The following SLC35F1 variants were observed in gnomAD, a reference collection of about 807,000 sequenced individuals.
The protein encoded by SLC35F1 is chromosome 6 open reading frame 169.
SLC35F1 carries 14 observed loss-of-function variants against 48.7 expected under a neutral mutation model. The observed-to-expected ratio is 0.29, with a 90% CI of 0.19 to 0.45. SLC35F1 has a LOEUF of 0.45. Among genes scored for constraint, SLC35F1 ranks in the 20% least tolerant of loss-of-function variants. The pLI, the probability that SLC35F1 is intolerant of heterozygous loss-of-function variation, is 1.00. For synonymous variants in SLC35F1, 190 were observed against 202.2 expected, an observed-to-expected ratio of 0.94 and a Z score of 0.51; for missense variants, 404 against 500.0, an observed-to-expected ratio of 0.81 and a Z score of 1.83.
intron 4 of SLC35F1, among the ~76,000 whole-genome samples, chr6:118,270,917 A>C (rs1230793649): frequency 6.6e-6 from 1 of 152,232 alleles, no homozygotes; most frequent in African/African-American, 2.4e-5. Context: ...TAATCAAAAT[A>C]GCTCCTTGTT....
At chr6:118,034,247 A>C (rs1293370073) in intron 1 of SLC35F1, among the ~76,000 whole-genome samples, 1 of 152,120 alleles carries the variant, frequency 6.6e-6, no homozygotes, top group Non-Finnish European at 1.5e-5. Context: ...GCATACAAAA[A>C]TATGTTCAGG....
chr6:118,141,210 G>GT (rs541477574), intron 1 of SLC35F1, among the ~76,000 whole-genome samples: 1 of 152,014 alleles, frequency 6.6e-6, no homozygotes, highest in Admixed American at 6.6e-5. Context: ...CCATTTTTCT[G>GT]TTTTTTATAC....
At chr6:118,115,037 C>G (rs17822466) in intron 1 of SLC35F1, among the ~76,000 whole-genome samples, 49,837 of 152,014 alleles carry the variant, frequency 0.33, 9,244 homozygotes, top group Non-Finnish European at 0.43. Context: ...TAGCCTTGAC[C>G]TTAAGTGTCA....
At chr6:118,207,466 A>G (rs1774950853) in intron 2 of SLC35F1, among the ~76,000 whole-genome samples, 1 of 152,222 alleles carries the variant, frequency 6.6e-6, no homozygotes, top group African/African-American at 2.4e-5. Context: ...GTTATGATGC[A>G]CAAACAACAA....
intron 7 of SLC35F1, among the ~76,000 whole-genome samples, chr6:118,312,754 T>C (rs950663664): frequency 3.3e-5 from 5 of 152,218 alleles, no homozygotes; most frequent in Non-Finnish European, 4.4e-5. Context: ...TTCCTATTAT[T>C]GAACTACAGT....
At chr6:118,219,591 A>G (rs979055174) in intron 2 of SLC35F1, among the ~76,000 whole-genome samples, 1 of 152,186 alleles carries the variant, frequency 6.6e-6, no homozygotes, top group African/African-American at 2.4e-5. Flanking sequence ...CCATTGTGGA[A>G]GACAGTGTGG....
At chr6:118,187,340 G>T (rs1048196135) in intron 2 of SLC35F1, among the ~76,000 whole-genome samples, 11 of 152,094 alleles carry the variant, frequency 7.2e-5, no homozygotes, top group Admixed American at 5.2e-4. Flanking sequence ...TCCAGTTAAT[G>T]CCAAGCCCCC....
At chr6:118,138,710 CTT>C (rs11334484) in intron 1 of SLC35F1, among the ~76,000 whole-genome samples, 3 of 151,244 alleles carry the variant, frequency 2.0e-5, no homozygotes, top group Admixed American at 6.6e-5. Flanking sequence ...ATTTTATTTG[CTT>C]TTTTTTTTAA....
At chr6:118,134,890 C>G (rs887883868) in intron 1 of SLC35F1, among the ~76,000 whole-genome samples, 1 of 152,204 alleles carries the variant, frequency 6.6e-6, no homozygotes, top group African/African-American at 2.4e-5. Flanking sequence ...TTCTACTCCC[C>G]CTCCTAAGTT....
At chr6:118,210,268 T>C (rs1774985466) in intron 2 of SLC35F1, among the ~76,000 whole-genome samples, 1 of 152,196 alleles carries the variant, frequency 6.6e-6, no homozygotes, top group Non-Finnish European at 1.5e-5. Context: ...CAATTAAGAA[T>C]TGTCCACCTG....
intron 6 of SLC35F1, among the ~76,000 whole-genome samples, chr6:118,278,599 G>A (rs546056810): frequency 3.3e-5 from 5 of 152,164 alleles, no homozygotes; most frequent in Non-Finnish European, 7.3e-5. Flanking sequence ...GACCAGCCTT[G>A]TGTCTCAGAG....
intron 3 of SLC35F1, among the ~76,000 whole-genome samples, chr6:118,258,931 C>A (rs1369691133): frequency 1.3e-5 from 2 of 151,798 alleles, no homozygotes; most frequent in East Asian, 3.9e-4. Flanking sequence ...TAAAAGAACA[C>A]ATAGATGACT....
intron 1 of SLC35F1, among the ~76,000 whole-genome samples, chr6:117,908,864 G>T (rs982000871): frequency 3.3e-5 from 5 of 152,138 alleles, no homozygotes; most frequent in African/African-American, 1.2e-4. Flanking sequence ...TGTTCCAGTC[G>T]CTCTGTTCAT....
rs540104902 is a variant in SLC35F1 at position 118,261,395 on chromosome 6, A to C, written c.478-5600A>C. On this transcript the variant is annotated intron_variant, in intron 3 of 7. Transcript: ENST00000360388. ...CTTCTTGGATTTGGGCTGGCTCAAA[A>C]TTATTCAGAACAACACTATATACAA... Among the ~76,000 whole-genome samples the C allele has an allele frequency of 3.9e-5, 6 of 152,332 alleles. No individual in the cohort carries two copies. The East Asian group carries it at 1.2e-3, about 29-fold the overall frequency.
intron 2 of SLC35F1, among the ~76,000 whole-genome samples, chr6:118,225,306 G>A (rs565385466): frequency 5.1e-4 from 78 of 152,184 alleles, no homozygotes; most frequent in Middle Eastern, 3.4e-3. Flanking sequence ...TAGATGAATG[G>A]AATAGAATAA....
intron 1 of SLC35F1, among the ~76,000 whole-genome samples, chr6:117,917,877 C>T (rs1261455248): frequency 7.2e-6 from 1 of 139,006 alleles, no homozygotes; most frequent in Admixed American, 7.2e-5. Context: ...GGCACACTAA[C>T]CCTCAAACAC....
intron 2 of SLC35F1, among the ~76,000 whole-genome samples, chr6:118,231,773 T>C (rs985177707): frequency 3.3e-5 from 5 of 152,232 alleles, no homozygotes; most frequent in Admixed American, 3.3e-4. Flanking sequence ...GCCCATTTTT[T>C]CAGTGCTATG....
chr6:118,272,737 G>GTGTGTGTATATATATATATATATATATA (rs201515909), intron 4 of SLC35F1, among the ~76,000 whole-genome samples: 4 of 120,250 alleles, frequency 3.3e-5, no homozygotes, highest in African/African-American at 1.3e-4. Context: ...ATATGTGTGT[G>GTGTGTGTATATATATATATATATATATA]TATATATATA....
At chr6:118,111,660 G>C (rs994756761) in intron 1 of SLC35F1, among the ~76,000 whole-genome samples, 2 of 152,106 alleles carry the variant, frequency 1.3e-5, no homozygotes, top group African/African-American at 4.8e-5. Flanking sequence ...AAGAGAAATA[G>C]AGACAAAATC....
Sources: allele counts gnomAD v4.1 joint callset (sites outside exome capture counted in the v4.1 genomes callset), GRCh38; gene constraint gnomAD v4.1.1; transcripts MANE v1.5; gene names NCBI Gene and HGNC (gene_info 2026-07-23, HGNC 2026-07-21).